NTPCR: variants seen among roughly 807,000 people sequenced by gnomAD.
NTPCR encodes the protein nucleoside-triphosphatase, cancer-related.
Under a neutral mutation model 19.5 loss-of-function variants are expected in NTPCR, and 15 were observed. That is an observed-to-expected ratio of 0.77 (90% CI 0.51 to 1.18). The LOEUF is 1.18. Among genes scored for constraint, NTPCR ranks in the 50% most tolerant of loss-of-function variants. NTPCR has a pLI of 0.00. For missense variants in NTPCR, 206 were observed against 240.4 expected (o/e 0.86, Z 0.95); for synonymous variants, 90 against 95.8 (o/e 0.94, Z 0.36).
intron 3 of NTPCR, 97 bp downstream of exon 3, chr1:232,956,540 C>T: frequency 1.3e-6 from 1 of 774,916 alleles, no homozygotes. Context: ...TCTTAAAGGC[C>T]CCAGTTTTGC....
chr1:232,956,258 G>A (rs1485492068), intron 2 of NTPCR, 89 bp from the exon 3 acceptor site: 6 of 850,622 alleles, frequency 7.1e-6, no homozygotes, highest in Non-Finnish European at 9.9e-6. Context: ...TTTAGCATAT[G>A]TGGAATGCCA....
Position 232,955,611 on chromosome 1 carries a change from G to A in NTPCR, c.89G>A (p.Gly30Asp), listed in dbSNP as rs142773637. Residue 30 changes from glycine (G) to aspartate (D), a missense_variant, in exon 2 of 5, where the codon GGT becomes GAT. Gly to Asp is a moderately conservative substitution (Grantham distance 94, BLOSUM62 -1). Transcript: ENST00000366628. ...GCCAGTGAGGTTTTAAAATCCTCTGGTGTGCCTGTTGATGGATTTTATACC... is the reference window on the plus strand; with the variant it reads ...GCCAGTGAGGTTTTAAAATCCTCTGATGTGCCTGTTGATGGATTTTATACC... ...HKASEVLKSS[G>D]VPVDGFYTEE... The A allele has an allele frequency of 3.1e-6, 5 of 1,612,106 alleles. No individual in the cohort carries two copies. The highest frequency in any genetic ancestry group is 2.7e-5 in the African/African-American group (2 of 74,542).
In NTPCR at chr1:232,978,225, G is replaced by T; in HGVS notation, c.567G>T (p.Arg189Ser). ...PDIVTCVQSS[R>S]K ...TCGTGACGTGCGTGCAGAGCAGCAG[G>T]AAGTGAAGACACGTGCATTCCTGCC... Residue 189 changes from arginine to serine, a missense_variant, in exon 5 of 5, where the codon AGG becomes AGT. By Grantham distance (110) the Arg-to-Ser change is moderately radical. Coordinates refer to ENST00000366628, the MANE Select transcript of NTPCR (RefSeq NM_032324.3). The T allele has an allele frequency of 1.9e-6, 3 of 1,614,112 alleles. No homozygotes were observed. Among genetic ancestry groups the T allele is most frequent in the African/African-American group, 1.3e-5 (1 of 75,064 alleles).
chr1:232,951,777 G>T (rs1668372295), intron 1 of NTPCR, among the ~76,000 whole-genome samples: 1 of 152,152 alleles, frequency 6.6e-6, no homozygotes, highest in African/African-American at 2.4e-5. Flanking sequence ...TGGGGAGCAG[G>T]GGGTGAGGAG....
At chr1:232,952,011 C>T (rs56793376) in intron 1 of NTPCR, among the ~76,000 whole-genome samples, 41,604 of 152,022 alleles carry the variant, frequency 0.27, 5,784 homozygotes, top group African/African-American at 0.32. Context: ...CAAAGTCTTA[C>T]CTACACGTAG....
At chr1:232,968,726 A>G (rs1192927093) in intron 3 of NTPCR, 2 of 152,266 alleles carry the variant, frequency 1.3e-5, no homozygotes, top group Admixed American at 6.5e-5. Context: ...CTCTAGGACT[A>G]TATTGCTGTC....
intron 4 of NTPCR, among the ~76,000 whole-genome samples, chr1:232,972,780 T>A (rs1038054042): frequency 1.3e-5 from 2 of 152,356 alleles, no homozygotes; most frequent in Non-Finnish European, 2.9e-5. Flanking sequence ...GATATATTTT[T>A]GGGTTCTTTC....
intron 4 of NTPCR, chr1:232,976,270 G>A (rs1160898924): frequency 4.3e-6 from 6 of 1,410,646 alleles, no homozygotes; most frequent in Middle Eastern, 2.1e-4. Context: ...TATCATTTTT[G>A]TGGTGATGAC....
intron 3 of NTPCR, 59 bp from the exon 4 acceptor site, chr1:232,969,850 C>T: frequency 7.3e-7 from 1 of 1,377,780 alleles, no homozygotes. Context: ...GAGTGGGACC[C>T]ATGGGCCCTT....
chr1:232,962,317 A>G (rs1668688929), intron 3 of NTPCR: 1 of 152,202 alleles, frequency 6.6e-6, no homozygotes, highest in Non-Finnish European at 1.5e-5. Flanking sequence ...TTAATTTTTC[A>G]GATAATCTTA....
At chr1:232,968,815 T>C (rs934212538) in intron 3 of NTPCR, 7 of 152,244 alleles carry the variant, frequency 4.6e-5, no homozygotes, top group African/African-American at 1.4e-4. Flanking sequence ...TAATCATGTA[T>C]ACAAACATAT....
intron 3 of NTPCR, chr1:232,969,488 T>C (rs1668913705): frequency 5.5e-6 from 1 of 181,346 alleles, no homozygotes; most frequent in Non-Finnish European, 1.2e-5. Context: ...TAGGTAGATG[T>C]TTGTGTATTT....
chr1:232,977,883 G>A (rs960083580), intron 4 of NTPCR, among the ~76,000 whole-genome samples: 5 of 152,114 alleles, frequency 3.3e-5, no homozygotes, highest in African/African-American at 4.8e-5. Context: ...GTGCCTCGTC[G>A]GACTCACTTC....
chr1:232,963,585 A>G (rs1299824122), intron 3 of NTPCR: 1 of 152,014 alleles, frequency 6.6e-6, no homozygotes, highest in African/African-American at 2.4e-5. Flanking sequence ...TCCCGTGCGT[A>G]TCAGTCTAAA....
At chr1:232,972,238 GT>G (rs201437316) in intron 4 of NTPCR, among the ~76,000 whole-genome samples, 7 of 151,090 alleles carry the variant, frequency 4.6e-5, no homozygotes, top group African/African-American at 1.7e-4. Flanking sequence ...GACATACCCT[GT>G]TTTTTTTTGT....
Position 232,978,197 on chromosome 1 carries a change from A to G in NTPCR, c.539A>G (p.Asp180Gly), listed in dbSNP as rs766184113. The change falls in exon 5 of 5, where the codon GAT becomes GGT. Residue 180 changes from aspartate (D) to glycine (G), a missense_variant. Physicochemically the swap from Asp to Gly is moderately conservative, Grantham distance 94. Coordinates refer to ENST00000366628, the MANE Select transcript of NTPCR (RefSeq NM_032324.3). ...TKENRNHLLPDIVTCVQSSRK is the reference protein window; with the variant it reads ...TKENRNHLLPGIVTCVQSSRK ...GAAAACAGAAACCACCTTCTGCCAG[A>G]TATCGTGACGTGCGTGCAGAGCAGC... The G allele has an allele frequency of 6.2e-7, 1 of 1,614,184 alleles. No individual in the cohort carries two copies. The highest frequency in any genetic ancestry group is 2.2e-5 in the East Asian group (1 of 44,876).
intron 4 of NTPCR, chr1:232,976,429 C>T: frequency 6.4e-7 from 1 of 1,550,648 alleles, no homozygotes; most frequent in Non-Finnish European, 8.7e-7. Flanking sequence ...GAGGCAGAAG[C>T]TACTGCAATC....
chr1:232,954,121 G>A (rs1269465282), intron 1 of NTPCR, among the ~76,000 whole-genome samples: 1 of 152,200 alleles, frequency 6.6e-6, no homozygotes, highest in African/African-American at 2.4e-5. Context: ...ATTCGGCAAT[G>A]CCATTACTTG....
chr1:232,973,159 C>T (rs531420910), intron 4 of NTPCR, among the ~76,000 whole-genome samples: 7 of 152,132 alleles, frequency 4.6e-5, no homozygotes, highest in Admixed American at 2.6e-4. Flanking sequence ...ATGTACCACA[C>T]GAATTAGTAA....
Sources: gnomAD v4.1 joint callset for allele counts (sites outside exome capture counted in the v4.1 genomes callset) on GRCh38, gnomAD v4.1.1 for gene constraint, MANE v1.5 for transcripts, NCBI Gene and HGNC (gene_info 2026-07-23, HGNC 2026-07-21) for gene names.